Variants in PTPRD observed in about 807,000 individuals in gnomAD.
The protein encoded by PTPRD is receptor-type tyrosine-protein phosphatase delta.
In PTPRD, 34 loss-of-function variants were observed where a neutral mutation model predicts 214.5. The ratio of observed to expected loss-of-function variants is 0.16; its 90% CI spans 0.12 to 0.21. PTPRD has a LOEUF of 0.21. Among genes scored for constraint, PTPRD ranks in the 10% least tolerant of loss-of-function variants. The pLI is 1.00. For synonymous variants in PTPRD, 1,128 were observed against 845.7 expected (o/e 1.33, Z -5.79); for missense variants, 2,545 against 2,398.7 (o/e 1.06, Z -1.27).
chr9:9,220,176 C>T (rs961690166), intron 9 of PTPRD, among the ~76,000 whole-genome samples: 1 of 151,980 alleles, frequency 6.6e-6, no homozygotes, highest in Non-Finnish European at 1.5e-5. Context: ...TAAACTCATG[C>T]CTGTGACATT....
At chr9:10,026,144 G>T (rs1589189432) in intron 4 of PTPRD, among the ~76,000 whole-genome samples, 1 of 152,168 alleles carries the variant, frequency 6.6e-6, no homozygotes, top group Non-Finnish European at 1.5e-5. Context: ...ACCAGTCCAA[G>T]CCAATGCCAG....
chr9:10,067,284 A>G (rs1240265109), intron 3 of PTPRD, among the ~76,000 whole-genome samples: 1 of 151,936 alleles, frequency 6.6e-6, no homozygotes, highest in Non-Finnish European at 1.5e-5. Context: ...GCTGGATTTG[A>G]TATTTTACTG....
chr9:8,832,429 T>TG (rs2097315551), intron 11 of PTPRD, among the ~76,000 whole-genome samples: 1 of 142,598 alleles, frequency 7.0e-6, no homozygotes, highest in Non-Finnish European at 1.5e-5. Context: ...TTTTTTTTTT[T>TG]GTCAAATAAC....
intron 14 of PTPRD, among the ~76,000 whole-genome samples, chr9:8,592,760 A>G (rs2094206221): frequency 6.6e-6 from 1 of 152,204 alleles, no homozygotes; most frequent in Admixed American, 6.5e-5. Context: ...TTAGTGCTTA[A>G]AAGATAACAA....
intron 11 of PTPRD, among the ~76,000 whole-genome samples, chr9:9,008,097 C>T (rs930748126): frequency 8.8e-5 from 13 of 147,672 alleles, no homozygotes; most frequent in African/African-American, 2.7e-4. Flanking sequence ...GACAAGATGG[C>T]GGCTTTTCAT....
intron 8 of PTPRD, among the ~76,000 whole-genome samples, chr9:9,564,712 T>C (rs1480054693): frequency 2.6e-5 from 4 of 152,040 alleles, no homozygotes; most frequent in Non-Finnish European, 4.4e-5. Flanking sequence ...TATTAATATG[T>C]AACTCAAGAA....
chr9:9,729,511 G>C (rs1455872308), intron 7 of PTPRD, among the ~76,000 whole-genome samples: 2 of 152,102 alleles, frequency 1.3e-5, no homozygotes, highest in African/African-American at 4.8e-5. Context: ...AAGAAACCCA[G>C]ATATTAATGC....
chr9:9,684,826 G>A (rs191564987), intron 7 of PTPRD, among the ~76,000 whole-genome samples: 95 of 151,536 alleles, frequency 6.3e-4, no homozygotes, highest in African/African-American at 2.2e-3. Context: ...TTACAGTCAA[G>A]GAATTTAAAG....
chr9:8,823,174 G>A (rs2097105847), intron 11 of PTPRD, among the ~76,000 whole-genome samples: 1 of 151,924 alleles, frequency 6.6e-6, no homozygotes. Flanking sequence ...CTTACCACTT[G>A]GGCCTGTTCT....
intron 3 of PTPRD, among the ~76,000 whole-genome samples, chr9:10,306,137 C>T (rs577062216): frequency 6.6e-6 from 1 of 151,894 alleles, no homozygotes; most frequent in Non-Finnish European, 1.5e-5. Context: ...ATGGATGAAG[C>T]TGGAAACCAT....
intron 21 of PTPRD, among the ~76,000 whole-genome samples, chr9:8,514,974 A>G (rs2097759388): frequency 6.6e-6 from 1 of 152,104 alleles, no homozygotes; most frequent in South Asian, 2.1e-4. Flanking sequence ...CCATGTGGAG[A>G]AGGTCCTTGC....
At chr9:9,046,675 C>G (rs573020722) in intron 10 of PTPRD, among the ~76,000 whole-genome samples, 2 of 152,198 alleles carry the variant, frequency 1.3e-5, no homozygotes, top group Admixed American at 1.3e-4. Flanking sequence ...TTAGGCTTTG[C>G]AAGACATGAA....
chr9:9,790,355 G>A (rs1404962526), intron 5 of PTPRD, among the ~76,000 whole-genome samples: 1 of 152,142 alleles, frequency 6.6e-6, no homozygotes, highest in African/African-American at 2.4e-5. Context: ...AGGGGCTTGA[G>A]AATGACACCT....
intron 11 of PTPRD, among the ~76,000 whole-genome samples, chr9:8,840,868 C>T (rs1054639621): frequency 1.3e-5 from 2 of 152,188 alleles, no homozygotes; most frequent in Admixed American, 6.5e-5. Flanking sequence ...TGTACTGGCT[C>T]TGGTACTGCA....
At chr9:10,334,923 C>T (rs1383349084) in intron 3 of PTPRD, among the ~76,000 whole-genome samples, 1 of 151,600 alleles carries the variant, frequency 6.6e-6, no homozygotes, top group Non-Finnish European at 1.5e-5. Context: ...CACTATGAAA[C>T]TCTGATGAAA....
intron 5 of PTPRD, among the ~76,000 whole-genome samples, chr9:9,920,661 C>T (rs1481662252): frequency 6.6e-6 from 1 of 152,110 alleles, no homozygotes; most frequent in Non-Finnish European, 1.5e-5. Context: ...GCTCAGGTTC[C>T]AGGGGATTTC....
intron 10 of PTPRD, among the ~76,000 whole-genome samples, chr9:9,094,914 C>T (rs1484733223): frequency 1.3e-5 from 2 of 152,154 alleles, no homozygotes; most frequent in East Asian, 1.9e-4. Context: ...ATCATAGATG[C>T]ACAAATTCTC....
intron 3 of PTPRD, among the ~76,000 whole-genome samples, chr9:10,169,243 G>C (rs1278870103): frequency 6.6e-6 from 1 of 152,080 alleles, no homozygotes; most frequent in East Asian, 1.9e-4. Context: ...GGGAGGCCGA[G>C]GCAGGCGGAT....
At chr9:8,755,125 C>T (rs1437718920) in intron 11 of PTPRD, among the ~76,000 whole-genome samples, 2 of 151,716 alleles carry the variant, frequency 1.3e-5, no homozygotes, top group Non-Finnish European at 1.5e-5. Flanking sequence ...CTGGTAAAAA[C>T]TCCTTTGAAA....
Sources: allele counts gnomAD v4.1 joint callset (sites outside exome capture counted in the v4.1 genomes callset), GRCh38; gene constraint gnomAD v4.1.1; transcripts MANE v1.5; gene names NCBI Gene and HGNC (gene_info 2026-07-23, HGNC 2026-07-21).